The following SH3GL3 variants were observed in gnomAD, a reference collection of about 807,000 sequenced individuals.
SH3GL3 encodes the protein SH3 domain containing GRB2 like 3, endophilin A3.
A neutral mutation model predicts 47.7 loss-of-function variants in SH3GL3; 33 were observed. The ratio of observed to expected loss-of-function variants is 0.69; its 90% CI spans 0.52 to 0.92. The LOEUF (loss-of-function observed/expected upper bound fraction) is 0.92. Ranked by LOEUF, SH3GL3 falls within the 40% of genes least tolerant of loss-of-function variation. The probability of loss-of-function intolerance (pLI) is 0.00; values close to 1 mark genes in which losing one functional copy is unlikely to be tolerated. For synonymous variants in SH3GL3, 155 were observed against 148.8 expected (o/e 1.04, Z -0.30); for missense variants, 363 against 417.8 (o/e 0.87, Z 1.14).
At chr15:83,511,953 G>A (rs934662794) in intron 1 of SH3GL3, among the ~76,000 whole-genome samples, 1 of 151,534 alleles carries the variant, frequency 6.6e-6, no homozygotes, top group Non-Finnish European at 1.5e-5. Context: ...GGACCTAAAA[G>A]GAGCCAGGCC....
rs1319689871 is a variant in SH3GL3, at chr15:83,523,153, AAC to A, written c.46-36098_46-36097del. Among the ~76,000 whole-genome samples, 83 of 152,378 alleles carry A rather than the reference AAC, an allele frequency of 5.4e-4. 2 individuals are homozygous for A. Among genetic ancestry groups the A allele is most frequent in the Middle Eastern group, 3.4e-3 (1 of 294 alleles). On this transcript the variant is annotated intron_variant, in intron 1 of 8. Transcript: ENST00000427482. ...AAGTTTTCACAAGAAGGAAAAGAAT[AAC>A]ATTTATTTCTACCTTTTCTTTTTTC...
chr15:83,458,923 C>T (rs2040134238), intron 1 of SH3GL3, among the ~76,000 whole-genome samples: 2 of 152,330 alleles, frequency 1.3e-5, no homozygotes, highest in Admixed American at 6.5e-5. Flanking sequence ...CTCACACGAT[C>T]ACAAGGTGAA....
At chr15:83,571,184 A>C (rs548680837) in intron 4 of SH3GL3, among the ~76,000 whole-genome samples, 1 of 152,354 alleles carries the variant, frequency 6.6e-6, no homozygotes, top group East Asian at 1.9e-4. Context: ...CGACAGCGCC[A>C]GTCTCAGGCA....
intron 1 of SH3GL3, among the ~76,000 whole-genome samples, chr15:83,481,223 C>T (rs1454118950): frequency 1.3e-5 from 2 of 149,598 alleles, no homozygotes; most frequent in Admixed American, 6.7e-5. Context: ...TTCTGTGAGC[C>T]GAGATCCTGC....
chr15:83,561,011 T>A (rs2045241929), intron 2 of SH3GL3, among the ~76,000 whole-genome samples: 1 of 152,092 alleles, frequency 6.6e-6, no homozygotes, highest in African/African-American at 2.4e-5. Flanking sequence ...CTGTCAGAAA[T>A]ACATAGACAG....
intron 1 of SH3GL3, among the ~76,000 whole-genome samples, chr15:83,481,640 G>A (rs2041363577): frequency 6.6e-6 from 1 of 152,228 alleles, no homozygotes; most frequent in Non-Finnish European, 1.5e-5. Flanking sequence ...GCACAGTGGT[G>A]CATTATGATG....
Position 83,576,666 on chromosome 15 carries a change from C to T in SH3GL3, c.549C>T (p.Val183=), listed in dbSNP as rs1413285213. The change falls in exon 6 of 9, where the codon GTC becomes GTT. Residue 183 remains valine (V), a synonymous_variant. Coordinates refer to ENST00000427482, the MANE Select transcript of SH3GL3 (RefSeq NM_003027.5). Reference sequence around the variant, plus strand: ...TAGGTAAGATACCAGACGAAGAAGTCAGACAAGCGGTAGAAAAATTTGAAG... The same window carrying T: ...TAGGTAAGATACCAGACGAAGAAGTTAGACAAGCGGTAGAAAAATTTGAAG... The part of the protein sequence containing the change: ...KRVGKIPDEE[V]RQAVEKFEES... 1.2e-6 allele frequency: 2 copies of T among 1,613,606 alleles called. No homozygotes were observed. Among genetic ancestry groups the T allele is most frequent in the Admixed American group, 3.3e-5 (2 of 59,986 alleles).
intron 4 of SH3GL3, 27 bp downstream of exon 4, chr15:83,568,699 G>A (rs1339127777): frequency 1.3e-6 from 2 of 1,593,744 alleles, no homozygotes; most frequent in African/African-American, 2.7e-5. Context: ...TCAGCTGGGG[G>A]AGCTGAGAAC....
intron 1 of SH3GL3, among the ~76,000 whole-genome samples, chr15:83,502,973 A>T (rs1328975472): frequency 6.6e-6 from 1 of 152,166 alleles, no homozygotes; most frequent in Non-Finnish European, 1.5e-5. Flanking sequence ...TTTAGGAGCA[A>T]TGGTTCAGTA....
chr15:83,451,905 G>A (rs1205986464), intron 1 of SH3GL3, among the ~76,000 whole-genome samples: 1 of 79,486 alleles, frequency 1.3e-5, no homozygotes, highest in Admixed American at 1.5e-4. Flanking sequence ...GAATGGTAAT[G>A]CCTAGATTTT....
chr15:83,598,629 CT>C (rs1596330370), intron 8 of SH3GL3, among the ~76,000 whole-genome samples: 1 of 152,190 alleles, frequency 6.6e-6, no homozygotes, highest in East Asian at 1.9e-4. Context: ...CCCAGGATGG[CT>C]TTAGGTGCTG....
At chr15:83,576,088 A>G (rs1176233531) in intron 5 of SH3GL3, among the ~76,000 whole-genome samples, 1 of 152,062 alleles carries the variant, frequency 6.6e-6, no homozygotes, top group Non-Finnish European at 1.5e-5. Context: ...TACGCAACTT[A>G]TTTCTTGATT....
chr15:83,496,881 T>C (rs1169591430), intron 1 of SH3GL3, among the ~76,000 whole-genome samples: 1 of 152,172 alleles, frequency 6.6e-6, no homozygotes, highest in Non-Finnish European at 1.5e-5. Flanking sequence ...GAGGCCTGGC[T>C]CTTTTCCTGA....
intron 1 of SH3GL3, among the ~76,000 whole-genome samples, chr15:83,556,632 G>C (rs1219702286): frequency 6.6e-6 from 1 of 152,212 alleles, no homozygotes; most frequent in East Asian, 1.9e-4. Flanking sequence ...GGATCTACAT[G>C]TGGGCTTCTG....
chr15:83,509,301 G>T (rs2042647542), intron 1 of SH3GL3, among the ~76,000 whole-genome samples: 1 of 152,238 alleles, frequency 6.6e-6, no homozygotes, highest in Admixed American at 6.5e-5. Flanking sequence ...GCGCGTTCTT[G>T]GATGTCCCAC....
rs115053973 is a variant in SH3GL3, at chr15:83,518,495, T to C, written c.46-40758T>C. On this transcript the variant is annotated intron_variant, in intron 1 of 8. Coordinates refer to ENST00000427482, the MANE Select transcript of SH3GL3 (RefSeq NM_003027.5). ...TGCATTTCTCTGATGATTAGAGATG[T>C]GGAGCATTTTTTTTGCATGTTTTTG... 4.8e-3 allele frequency among the ~76,000 whole-genome samples: 731 copies of C among 152,334 alleles called. 8 individuals are homozygous for C. Among genetic ancestry groups the C allele is most frequent in the African/African-American group, 0.017 (703 of 41,578 alleles).
intron 1 of SH3GL3, among the ~76,000 whole-genome samples, chr15:83,538,932 A>T (rs1444676763): frequency 2.0e-5 from 3 of 152,178 alleles, no homozygotes; most frequent in African/African-American, 7.2e-5. Context: ...AGATTCTGCC[A>T]AACTGTTTTA....
At chr15:83,500,470 C>T (rs557594848) in intron 1 of SH3GL3, among the ~76,000 whole-genome samples, 20 of 152,326 alleles carry the variant, frequency 1.3e-4, no homozygotes, top group Admixed American at 1.0e-3. Flanking sequence ...ATGTGGCCTT[C>T]AGGCCCCACA....
At chr15:83,562,275 A>G (rs1463689935) in intron 2 of SH3GL3, among the ~76,000 whole-genome samples, 1 of 152,186 alleles carries the variant, frequency 6.6e-6, no homozygotes, top group African/African-American at 2.4e-5. Flanking sequence ...CAGTATGTGC[A>G]TGTCAGGGCC....
Sources: allele counts gnomAD v4.1 joint callset (sites outside exome capture counted in the v4.1 genomes callset), GRCh38; gene constraint gnomAD v4.1.1; transcripts MANE v1.5; gene names NCBI Gene and HGNC (gene_info 2026-07-23, HGNC 2026-07-21).